Variants in SWT1 observed in about 807,000 individuals in gnomAD.
The protein encoded by SWT1 is transcriptional protein SWT1.
SWT1 carries 33 observed loss-of-function variants against 107.3 expected under a neutral mutation model. That is an observed-to-expected ratio of 0.31 (90% CI 0.23 to 0.41). The LOEUF (loss-of-function observed/expected upper bound fraction) is 0.41. Among genes scored for constraint, SWT1 ranks in the 10% least tolerant of loss-of-function variants. SWT1 has a pLI of 1.00. For synonymous variants in SWT1, 345 were observed against 348.3 expected, an observed-to-expected ratio of 0.99 and a Z score of 0.11; for missense variants, 898 against 1,028.9, an observed-to-expected ratio of 0.87 and a Z score of 1.74.
At chr1:185,240,081 T>C (rs551881725) in intron 16 of SWT1, among the ~76,000 whole-genome samples, 1 of 152,124 alleles carries the variant, frequency 6.6e-6, no homozygotes, top group South Asian at 2.1e-4. Flanking sequence ...AATACAAGTG[T>C]TGTAGATATG....
Position 185,171,981 on chromosome 1 carries a change from T to C in SWT1, c.225-2391T>C, listed in dbSNP as rs528212381. Among the ~76,000 whole-genome samples the C allele has an allele frequency of 2.0e-5, 3 of 152,256 alleles. No individual in the cohort carries two copies. The East Asian group carries it at 5.8e-4, about 29-fold the overall frequency. On this transcript the variant is annotated intron_variant, in intron 4 of 18. Coordinates refer to ENST00000367500, the MANE Select transcript of SWT1 (RefSeq NM_017673.7). ...ACTCAGGTGAAACTCCTATAAAAAC[T>C]CTGTTTATGGTTTGCTCTTACATAA...
chr1:185,176,286 CAAAAAAAAAAAAAAAA>C (rs71101962), intron 5 of SWT1, among the ~76,000 whole-genome samples: 1 of 47,296 alleles, frequency 2.1e-5, no homozygotes, highest in South Asian at 1.3e-3. Flanking sequence ...ACCTTGTCTC[CAAAAAAAAAAAAAAAA>C]AAAAAAAAAA....
At chr1:185,194,031 A>T (rs1657182083) in intron 10 of SWT1, among the ~76,000 whole-genome samples, 2 of 152,198 alleles carry the variant, frequency 1.3e-5, no homozygotes, top group South Asian at 4.1e-4. Flanking sequence ...TTTTATAATT[A>T]TATAATGTCC....
intron 15 of SWT1, among the ~76,000 whole-genome samples, chr1:185,222,982 A>G (rs1659784876): frequency 6.6e-6 from 1 of 152,108 alleles, no homozygotes; most frequent in Non-Finnish European, 1.5e-5. Flanking sequence ...TGTGAGATAA[A>G]CTATTGTATA....
rs1300175975 is a variant in SWT1, at chr1:185,223,993, C to A, written c.2309+1957C>A. 3.9e-5 allele frequency among the ~76,000 whole-genome samples: 6 copies of A among 152,264 alleles called. No homozygotes were observed. In the East Asian group the frequency reaches 1.2e-3, roughly 29 times the overall value. On this transcript the variant is annotated intron_variant, in intron 15 of 18. Coordinates refer to ENST00000367500, the MANE Select transcript of SWT1 (RefSeq NM_017673.7). Reference sequence around the variant, plus strand: ...GCCATAAGAAAGAATGAGATCATGTCCTTTGCAGGGACATGGATGGAGCTG... The same window carrying A: ...GCCATAAGAAAGAATGAGATCATGTACTTTGCAGGGACATGGATGGAGCTG...
chr1:185,275,664 C>T (rs891331993), intron 17 of SWT1, among the ~76,000 whole-genome samples: 5 of 151,744 alleles, frequency 3.3e-5, no homozygotes, highest in African/African-American at 1.2e-4. Flanking sequence ...GGATTACAGG[C>T]ATGAGCTGTT....
At chr1:185,287,448 C>T (rs1401579270) in intron 18 of SWT1, among the ~76,000 whole-genome samples, 4 of 152,084 alleles carry the variant, frequency 2.6e-5, no homozygotes, top group Admixed American at 1.3e-4. Context: ...GAAATAGGGA[C>T]ATAAAATATT....
intron 16 of SWT1, among the ~76,000 whole-genome samples, chr1:185,259,476 A>T (rs1291505198): frequency 2.6e-5 from 4 of 152,172 alleles, no homozygotes; most frequent in African/African-American, 7.2e-5. Flanking sequence ...GTTTACTGAG[A>T]ACTTAGATTC....
chr1:185,227,411 A>G, intron 15 of SWT1: 1 of 670,120 alleles, frequency 1.5e-6, no homozygotes, highest in Non-Finnish European at 2.8e-6. Context: ...AATATGCCGC[A>G]GCATAATTTT....
At chr1:185,218,535 T>A (rs1218408501) in intron 14 of SWT1, among the ~76,000 whole-genome samples, 2 of 152,116 alleles carry the variant, frequency 1.3e-5, no homozygotes, top group Non-Finnish European at 2.9e-5. Flanking sequence ...GGTCTTGAAC[T>A]CCTGGCCTCA....
rs1293997182 is a variant in SWT1, at chr1:185,258,745, G to A, written c.2442-12578G>A. ...CTGAATGCTTTCAAGATTTTTCTCTGTATGTTTTGTGTTTACAATTCTATC... is the reference window on the plus strand; with the variant it reads ...CTGAATGCTTTCAAGATTTTTCTCTATATGTTTTGTGTTTACAATTCTATC... On this transcript the variant is annotated intron_variant, in intron 16 of 18. Transcript: ENST00000367500. 2.6e-5 allele frequency among the ~76,000 whole-genome samples: 4 copies of A among 151,848 alleles called. No homozygotes were observed. In the East Asian group the frequency reaches 7.7e-4, roughly 29 times the overall value.
intron 14 of SWT1, among the ~76,000 whole-genome samples, chr1:185,218,683 A>G (rs1047761070): frequency 4.6e-5 from 7 of 152,166 alleles, no homozygotes; most frequent in African/African-American, 1.7e-4. Context: ...GGGCCTTCTA[A>G]CCACTAAAAA....
intron 15 of SWT1, among the ~76,000 whole-genome samples, chr1:185,230,828 G>T (rs1660457719): frequency 6.6e-6 from 1 of 151,996 alleles, no homozygotes; most frequent in Non-Finnish European, 1.5e-5. Context: ...GCTCACTGAA[G>T]CCTCGGCCTC....
At chr1:185,195,114 C>G (rs1657273023) in intron 10 of SWT1, among the ~76,000 whole-genome samples, 1 of 152,122 alleles carries the variant, frequency 6.6e-6, no homozygotes, top group Non-Finnish European at 1.5e-5. Flanking sequence ...CTGTCATCTG[C>G]ATTAAGTATT....
intron 18 of SWT1, chr1:185,281,027 A>G (rs1571705246): frequency 6.5e-6 from 2 of 309,548 alleles, no homozygotes; most frequent in South Asian, 3.1e-5. Context: ...GATGATGACT[A>G]AGTCCTTTTT....
intron 4 of SWT1, chr1:185,171,421 C>T (rs575535753): frequency 9.2e-5 from 22 of 240,196 alleles, no homozygotes; most frequent in Non-Finnish European, 1.4e-4. Flanking sequence ...CAGTTACGCA[C>T]GTCCAATCAC....
At chr1:185,282,294 A>G (rs542683168) in intron 18 of SWT1, among the ~76,000 whole-genome samples, 20 of 151,956 alleles carry the variant, frequency 1.3e-4, no homozygotes, top group Non-Finnish European at 2.5e-4. Flanking sequence ...TTTTGGATCT[A>G]CGTGTAGTTC....
chr1:185,257,644 C>G (rs1320051623), intron 16 of SWT1, among the ~76,000 whole-genome samples: 1 of 152,242 alleles, frequency 6.6e-6, no homozygotes, highest in African/African-American at 2.4e-5. Context: ...TCGGCTCGCA[C>G]ATGGTGCGCG....
chr1:185,260,751 CAAAG>C (rs1031881393), intron 16 of SWT1, among the ~76,000 whole-genome samples: 55 of 152,050 alleles, frequency 3.6e-4, no homozygotes, highest in African/African-American at 1.3e-3. Flanking sequence ...CTTGGAAAAA[CAAAG>C]AGTCAAGTCA....
Sources: gnomAD v4.1 joint callset for allele counts (sites outside exome capture counted in the v4.1 genomes callset) on GRCh38, gnomAD v4.1.1 for gene constraint, MANE v1.5 for transcripts, NCBI Gene and HGNC (gene_info 2026-07-23, HGNC 2026-07-21) for gene names.